The following VWC2L variants were observed in gnomAD, a reference collection of about 807,000 sequenced individuals.
VWC2L encodes von Willebrand factor C domain-containing protein 2-like.
VWC2L carries 10 observed loss-of-function variants against 21.6 expected under a neutral mutation model. That is an observed-to-expected ratio of 0.46 (90% CI 0.29 to 0.78). VWC2L has a LOEUF of 0.78. Among genes scored for constraint, VWC2L ranks in the 30% least tolerant of loss-of-function variants. The probability of loss-of-function intolerance (pLI) is 0.10; values close to 1 mark genes in which losing one functional copy is unlikely to be tolerated. For synonymous variants in VWC2L, 96 were observed against 94.3 expected, an observed-to-expected ratio of 1.02 and a Z score of -0.10; for missense variants, 209 against 277.1, an observed-to-expected ratio of 0.75 and a Z score of 1.74.
intron 3 of VWC2L, among the ~76,000 whole-genome samples, chr2:214,499,555 T>A (rs953864156): frequency 1.9e-4 from 28 of 151,094 alleles, no homozygotes; most frequent in Admixed American, 3.3e-4. Flanking sequence ...CTAATGTAAA[T>A]GATGAGTTAA....
At chr2:214,478,426 C>T (rs1181279770) in intron 3 of VWC2L, among the ~76,000 whole-genome samples, 1 of 150,242 alleles carries the variant, frequency 6.7e-6, no homozygotes, top group Non-Finnish European at 1.5e-5. Context: ...TTGCAGTGAG[C>T]GGAGATCGCG....
At chr2:214,542,282 A>T (rs1574627216) in intron 3 of VWC2L, among the ~76,000 whole-genome samples, 1 of 152,274 alleles carries the variant, frequency 6.6e-6, no homozygotes, top group East Asian at 1.9e-4. Context: ...AGATGACATA[A>T]ACACCTCCAA....
At chr2:214,434,506 T>C (rs976643180) in intron 2 of VWC2L, among the ~76,000 whole-genome samples, 5 of 152,222 alleles carry the variant, frequency 3.3e-5, no homozygotes, top group African/African-American at 1.2e-4. Flanking sequence ...TGGTGATTCT[T>C]GTTACCAAGT....
chr2:214,447,102 G>C (rs1702849040), intron 3 of VWC2L, among the ~76,000 whole-genome samples: 1 of 152,034 alleles, frequency 6.6e-6, no homozygotes, highest in Non-Finnish European at 1.5e-5. Context: ...GGGAAACTGG[G>C]ATCACCTTGG....
chr2:214,472,796 A>G (rs900576340), intron 3 of VWC2L, among the ~76,000 whole-genome samples: 1 of 152,218 alleles, frequency 6.6e-6, no homozygotes, highest in Non-Finnish European at 1.5e-5. Flanking sequence ...ATTAGAGCCA[A>G]CAAGTCTATC....
At chr2:214,534,159 G>A (rs774668581) in intron 3 of VWC2L, 3 of 152,454 alleles carry the variant, frequency 2.0e-5, no homozygotes, top group Non-Finnish European at 4.4e-5. Context: ...AGTGTCTGAG[G>A]TACTGATAAT....
intron 3 of VWC2L, among the ~76,000 whole-genome samples, chr2:214,479,108 G>T (rs1489747025): frequency 6.6e-6 from 1 of 152,110 alleles, no homozygotes; most frequent in Non-Finnish European, 1.5e-5. Context: ...TGATCTTGCA[G>T]AGGACCCCAA....
intron 3 of VWC2L, among the ~76,000 whole-genome samples, chr2:214,487,196 T>C (rs1454946922): frequency 2.6e-5 from 4 of 151,790 alleles, no homozygotes; most frequent in African/African-American, 9.7e-5. Flanking sequence ...TGTTAGAAAA[T>C]AAGTTTCTGT....
chr2:214,509,657 G>A (rs973355605), intron 3 of VWC2L, among the ~76,000 whole-genome samples: 4 of 152,130 alleles, frequency 2.6e-5, no homozygotes, highest in African/African-American at 9.7e-5. Context: ...CTGTGTTTTT[G>A]AGAAGTGAAT....
intron 3 of VWC2L, among the ~76,000 whole-genome samples, chr2:214,438,926 T>G (rs538681297): frequency 6.6e-6 from 1 of 152,048 alleles, no homozygotes; most frequent in Non-Finnish European, 1.5e-5. Flanking sequence ...CACTATGAAA[T>G]GGCCACTTCT....
intron 3 of VWC2L, among the ~76,000 whole-genome samples, chr2:214,565,478 C>A (rs1257562416): frequency 1.3e-5 from 2 of 152,184 alleles, no homozygotes; most frequent in African/African-American, 4.8e-5. Flanking sequence ...CCTGACCCTA[C>A]CTAATGATGT....
chr2:214,453,150 C>CA (rs1198078765), intron 3 of VWC2L, among the ~76,000 whole-genome samples: 1 of 151,934 alleles, frequency 6.6e-6, no homozygotes, highest in Non-Finnish European at 1.5e-5. Flanking sequence ...AACTCTTGGT[C>CA]AAAAAAATAT....
chr2:214,468,598 G>A (rs1703259486), intron 3 of VWC2L, among the ~76,000 whole-genome samples: 1 of 151,840 alleles, frequency 6.6e-6, no homozygotes. Context: ...TAGATCGGCA[G>A]GGAAAAATTA....
intron 3 of VWC2L, among the ~76,000 whole-genome samples, chr2:214,478,155 G>A (rs1277301193): frequency 6.6e-6 from 1 of 152,154 alleles, no homozygotes; most frequent in African/African-American, 2.4e-5. Flanking sequence ...CAGGTGAGAA[G>A]GTGTGGTCTT....
chr2:214,455,324 T>G (rs890968314), intron 3 of VWC2L, among the ~76,000 whole-genome samples: 2 of 152,234 alleles, frequency 1.3e-5, no homozygotes, highest in Admixed American at 6.5e-5. Flanking sequence ...TTATCTAAGC[T>G]GCTGGATTTA....
At position 214,451,666 on chromosome 2, in the gene VWC2L, C is replaced by G. The variant is rs546826248; in HGVS notation, c.520+14908C>G. ...ATTTTTAAAGGCAGCAAAAGTCACT[C>G]AAGAAGGCACAATAATGAAAGGAAA... On this transcript the variant is annotated intron_variant, in intron 3 of 3. Coordinates refer to ENST00000312504, the MANE Select transcript of VWC2L (RefSeq NM_001080500.4). Among the ~76,000 whole-genome samples, 118 of 152,156 alleles carry G rather than the reference C, an allele frequency of 7.8e-4. 1 individual carries two copies. The highest frequency in any genetic ancestry group is 3.4e-3 in the Middle Eastern group (1 of 294).
At chr2:214,459,903 T>TA (rs1491384055) in intron 3 of VWC2L, among the ~76,000 whole-genome samples, 1,234 of 26,692 alleles carry the variant, frequency 0.046, 13 homozygotes, top group Non-Finnish European at 0.052. Flanking sequence ...TTCCTTTGAC[T>TA]TTTTTTTTTT....
intron 2 of VWC2L, among the ~76,000 whole-genome samples, chr2:214,434,166 T>C (rs1702642835): frequency 6.6e-6 from 1 of 152,180 alleles, no homozygotes; most frequent in South Asian, 2.1e-4. Flanking sequence ...ATTCAAAAAA[T>C]CAAATATAGT....
chr2:214,475,988 T>G (rs1468697214), intron 3 of VWC2L, among the ~76,000 whole-genome samples: 1 of 152,126 alleles, frequency 6.6e-6, no homozygotes, highest in African/African-American at 2.4e-5. Flanking sequence ...CGCAAAACAA[T>G]TGATGAAATA....
Sources: allele counts gnomAD v4.1 joint callset (sites outside exome capture counted in the v4.1 genomes callset), GRCh38; gene constraint gnomAD v4.1.1; transcripts MANE v1.5; gene names NCBI Gene and HGNC (gene_info 2026-07-23, HGNC 2026-07-21).